The following CEP85L variants were observed in gnomAD, a reference collection of about 807,000 sequenced individuals.
The protein encoded by CEP85L is centrosomal protein of 85 kDa-like.
CEP85L carries 60 observed loss-of-function variants against 100.3 expected under a neutral mutation model. The observed-to-expected ratio is 0.60, with a 90% CI of 0.49 to 0.74. The LOEUF (loss-of-function observed/expected upper bound fraction) is 0.74. Ranked by LOEUF, CEP85L falls within the 30% of genes least tolerant of loss-of-function variation. The probability of loss-of-function intolerance (pLI) is 0.00; values close to 1 mark genes in which losing one functional copy is unlikely to be tolerated. For synonymous variants in CEP85L, 319 were observed against 322.7 expected (o/e 0.99, Z 0.12); for missense variants, 973 against 936.2 (o/e 1.04, Z -0.51).
At chr6:118,503,071 T>C (rs142215292) in intron 5 of CEP85L, among the ~76,000 whole-genome samples, 371 of 152,290 alleles carry the variant, frequency 2.4e-3, no homozygotes, top group Admixed American at 5.3e-3. Context: ...AAAAAACACC[T>C]TCCTGGAACT....
intron 2 of CEP85L, among the ~76,000 whole-genome samples, chr6:118,577,410 G>A (rs1270214335): frequency 3.3e-5 from 5 of 152,120 alleles, no homozygotes; most frequent in African/African-American, 4.8e-5. Flanking sequence ...TACCCCCCAC[G>A]GGTCCTTTGA....
chr6:118,635,257 A>G (rs367949120), intron 1 of CEP85L, among the ~76,000 whole-genome samples: 1 of 152,234 alleles, frequency 6.6e-6, no homozygotes, highest in Non-Finnish European at 1.5e-5. Flanking sequence ...ATAATGTTTA[A>G]GTGCTAAAAA....
intron 2 of CEP85L, among the ~76,000 whole-genome samples, chr6:118,611,312 T>C (rs1467547470): frequency 6.6e-6 from 1 of 152,122 alleles, no homozygotes; most frequent in African/African-American, 2.4e-5. Flanking sequence ...CTGTGATACA[T>C]ATGTATATAT....
chr6:118,574,296 G>C (rs1479238299), intron 2 of CEP85L, among the ~76,000 whole-genome samples: 1 of 152,200 alleles, frequency 6.6e-6, no homozygotes, highest in Non-Finnish European at 1.5e-5. Context: ...TAGCCAGTCA[G>C]GTTAGTTTAG....
At chr6:118,541,530 A>T (rs1777903062) in intron 3 of CEP85L, among the ~76,000 whole-genome samples, 1 of 152,318 alleles carries the variant, frequency 6.6e-6, no homozygotes, top group Admixed American at 6.5e-5. Flanking sequence ...TCAAGAATGT[A>T]TCTGCTGAAA....
At chr6:118,504,618 G>A (rs1162292122) in intron 5 of CEP85L, among the ~76,000 whole-genome samples, 3 of 152,144 alleles carry the variant, frequency 2.0e-5, no homozygotes, top group East Asian at 3.8e-4. Context: ...TGGGTTAAGT[G>A]TAAGTAAAAA....
chr6:118,468,940 A>T, intron 12 of CEP85L, 132 bp downstream of exon 12: 1 of 647,526 alleles, frequency 1.5e-6, no homozygotes, highest in Non-Finnish European at 2.7e-6. Flanking sequence ...AGGTATACAT[A>T]AACCCACAGA....
At chr6:118,530,653 T>C (rs1004515119) in intron 3 of CEP85L, among the ~76,000 whole-genome samples, 1 of 152,164 alleles carries the variant, frequency 6.6e-6, no homozygotes, top group Non-Finnish European at 1.5e-5. Flanking sequence ...TTTGATCTGA[T>C]AAACTTCAGC....
At position 118,637,549 on chromosome 6, in the gene CEP85L, A is replaced by T. The variant is rs2115339453; in HGVS notation, c.74-4938T>A. Among the ~76,000 whole-genome samples the T allele has an allele frequency of 2.6e-5, 4 of 151,658 alleles. No homozygotes were observed. In the Middle Eastern group the frequency reaches 0.014, roughly 516 times the overall value. ...CCCATCTCTACAAAAGAAAAAAAAA[A>T]AAAAATTCAAAAAAATGCCTCTGTG... On this transcript the variant is annotated intron_variant, in intron 1 of 12. Coordinates refer to ENST00000368491, the MANE Select transcript of CEP85L (RefSeq NM_001042475.3).
intron 5 of CEP85L, among the ~76,000 whole-genome samples, chr6:118,506,130 C>T (rs1212922561): frequency 6.6e-6 from 1 of 152,128 alleles, no homozygotes; most frequent in Non-Finnish European, 1.5e-5. Flanking sequence ...CCTGGAAAAT[C>T]ATGCACTAAA....
intron 5 of CEP85L, among the ~76,000 whole-genome samples, chr6:118,510,930 C>G (rs1367214855): frequency 6.6e-6 from 1 of 151,848 alleles, no homozygotes; most frequent in Non-Finnish European, 1.5e-5. Context: ...GAAATAATCA[C>G]TGTGTGTTAT....
In CEP85L at chr6:118,565,545, C is replaced by T. The variant is rs752474999; in HGVS notation, c.1004G>A (p.Ser335Asn). 39 of 1,614,190 alleles carry T rather than the reference C, an allele frequency of 2.4e-5. No individual in the cohort carries two copies. The highest frequency in any genetic ancestry group is 3.2e-5 in the Non-Finnish European group (38 of 1,180,008). The stretch of plus-strand genomic sequence containing the variant: ...GCACCTTACCTGCATTGGTGTTTCA[C>T]TTCCTTGTCGAAAGTCTTCAATTTG... ...QQQIEDFRQG[S>N]ETPMQVLTGS... Residue 335 changes from serine to asparagine, a missense_variant, in exon 3 of 13, where the codon AGT becomes AAT. This residue lies in a region of CEP85L where 890 missense variants were observed against 844.5 expected (regional missense o/e 1.05). Transcript: ENST00000368491.
At position 118,519,606 on chromosome 6, in the gene CEP85L, G is replaced by A. The variant is rs139766552; in HGVS notation, c.1139+4196C>T. Among the ~76,000 whole-genome samples the A allele has an allele frequency of 1.6e-3, 197 of 122,036 alleles. 4 individuals carry two copies. The highest frequency in any genetic ancestry group is 7.0e-3 in the East Asian group (26 of 3,736). 80.1% of individuals were successfully genotyped at this position (122,036 alleles called of 152,430 possible). ...TGGCGGGGGGGGGGTGTGAAACTCC[G>A]TCTCAAAAAAACAAGTTAGAAAAAG... On this transcript the variant is annotated intron_variant, in intron 4 of 12. Transcript: ENST00000368491.
chr6:118,677,836 A>G (rs1161881130), intron 1 of CEP85L, among the ~76,000 whole-genome samples: 2 of 152,202 alleles, frequency 1.3e-5, no homozygotes, highest in Non-Finnish European at 2.9e-5. Flanking sequence ...GCCCATAAAT[A>G]CATCTTACAT....
In CEP85L at chr6:118,461,713, T is replaced by C. The variant is rs1226285223; in HGVS notation, c.*3692A>G. 1 of 152,110 alleles carries C rather than the reference T, an allele frequency of 6.6e-6. No individual in the cohort carries two copies. The highest frequency in any genetic ancestry group is 2.4e-5 in the African/African-American group (1 of 41,448). The allele number at this position is 152,110 out of a possible 1,614,324, so 9.4% of individuals were successfully genotyped here. ...GCATTTTGGGGCAAAGTTGGAAATT[T>C]TGCTCTTTATACCAAATAGGAAATT... On this transcript the variant is annotated 3_prime_UTR_variant, in exon 13 of 13. Coordinates refer to ENST00000368491, the MANE Select transcript of CEP85L (RefSeq NM_001042475.3).
intron 1 of CEP85L, among the ~76,000 whole-genome samples, chr6:118,708,949 A>T (rs1034317058): frequency 3.9e-5 from 6 of 152,210 alleles, no homozygotes; most frequent in South Asian, 2.1e-4. Flanking sequence ...AGAAATTTTT[A>T]AAATATGAGT....
chr6:118,597,599 T>C (rs190764376), intron 2 of CEP85L, among the ~76,000 whole-genome samples: 1 of 152,334 alleles, frequency 6.6e-6, no homozygotes, highest in East Asian at 1.9e-4. Flanking sequence ...AAAACAAGGA[T>C]ATTTGCTACT....
chr6:118,695,914 T>C (rs1426198673), intron 1 of CEP85L, among the ~76,000 whole-genome samples: 1 of 152,180 alleles, frequency 6.6e-6, no homozygotes, highest in Admixed American at 6.5e-5. Context: ...GAACCAGATA[T>C]GATCCCCCTT....
intron 12 of CEP85L, among the ~76,000 whole-genome samples, chr6:118,466,949 C>T (rs1351800762): frequency 6.6e-6 from 1 of 152,118 alleles, no homozygotes; most frequent in African/African-American, 2.4e-5. Flanking sequence ...ACTGATAGCA[C>T]TCAATCATCA....
Sources: gnomAD v4.1 joint callset for allele counts (sites outside exome capture counted in the v4.1 genomes callset) on GRCh38, gnomAD v4.1.1 for gene constraint, gnomAD v4.1.1 regional missense constraint, MANE v1.5 for transcripts, NCBI Gene and HGNC (gene_info 2026-07-23, HGNC 2026-07-21) for gene names.